OPTN: variants seen among roughly 807,000 people sequenced by gnomAD.
OPTN encodes the protein E3-14.7K-interacting protein.
In OPTN, 54 loss-of-function variants were observed where a neutral mutation model predicts 70.4. The observed-to-expected ratio is 0.77, with a 90% CI of 0.62 to 0.96. OPTN has a LOEUF of 0.96. Ranked by LOEUF, OPTN falls within the 40% of genes least tolerant of loss-of-function variation. OPTN has a pLI of 0.00. For missense variants in OPTN, 624 were observed against 673.2 expected, an observed-to-expected ratio of 0.93 and a Z score of 0.81; for synonymous variants, 256 against 248.5, an observed-to-expected ratio of 1.03 and a Z score of -0.28.
intron 7 of OPTN, among the ~76,000 whole-genome samples, chr10:13,119,981 CTTT>C (rs35284693): frequency 2.6e-5 from 3 of 117,644 alleles, no homozygotes; most frequent in Admixed American, 9.3e-5. Context: ...TATTTTCTTT[CTTT>C]TTTTTTTTTT....
chr10:13,127,595 G>C, intron 11 of OPTN, 150 bp from the exon 12 acceptor site: 1 of 806,044 alleles, frequency 1.2e-6, no homozygotes, highest in South Asian at 1.6e-5. Flanking sequence ...GGGCTCAAAC[G>C]ATCCTCCCAC....
At chr10:13,103,768 A>ACACAC (rs1001648401) in intron 1 of OPTN, among the ~76,000 whole-genome samples, 6 of 151,870 alleles carry the variant, frequency 4.0e-5, no homozygotes, top group African/African-American at 1.5e-4. Context: ...ACACACACAC[A>ACACAC]ATCAGGAATT....
intron 12 of OPTN, among the ~76,000 whole-genome samples, chr10:13,130,995 C>T (rs1414553424): frequency 1.3e-5 from 2 of 152,212 alleles, no homozygotes; most frequent in African/African-American, 4.8e-5. Context: ...TCGTGGTTCA[C>T]TGCAACCTCT....
chr10:13,130,989 G>C (rs1238897608), intron 12 of OPTN, among the ~76,000 whole-genome samples: 2 of 152,242 alleles, frequency 1.3e-5, no homozygotes, highest in East Asian at 3.9e-4. Flanking sequence ...GCATGATCGT[G>C]GTTCACTGCA....
chr10:13,120,534 G>A (rs144004388), intron 7 of OPTN, among the ~76,000 whole-genome samples: 52 of 145,208 alleles, frequency 3.6e-4, no homozygotes, highest in African/African-American at 1.2e-3. Flanking sequence ...GTTGGCCACC[G>A]CACTCCAGCC....
At position 13,132,060 on chromosome 10, in the gene OPTN, C is replaced by T. The variant is rs762343666; in HGVS notation, c.1402-7C>T. On this transcript the variant is annotated splice_region_variant and splice_polypyrimidine_tract_variant and intron_variant, in intron 12 of 14. Transcript: ENST00000378747. ...ACTAACTTCTGTATCTTTTTTTCCT[C>T]TAACAGATGGAAGTTTACTGTTCTG... 3.0e-5 allele frequency: 49 copies of T among 1,611,224 alleles called. 1 individual carries two copies. In the South Asian group the frequency reaches 5.0e-4, roughly 16 times the overall value.
At chr10:13,106,542 C>T (rs548256068) in intron 1 of OPTN, among the ~76,000 whole-genome samples, 1 of 152,314 alleles carries the variant, frequency 6.6e-6, no homozygotes, top group East Asian at 1.9e-4. Flanking sequence ...TACATGACTA[C>T]ATGAGAATGC....
chr10:13,124,096 G>A lies in OPTN; in HGVS notation c.984G>A (p.Lys328=). The A allele has an allele frequency of 6.2e-7, 1 of 1,603,928 alleles. No individual in the cohort carries two copies. The highest frequency in any genetic ancestry group is 8.5e-7 in the Non-Finnish European group (1 of 1,171,498). Residue 328 remains lysine (K), a synonymous_variant, in exon 9 of 15, where the codon AAG becomes AAA. Coordinates refer to ENST00000378747, the MANE Select transcript of OPTN (RefSeq NM_001008212.2). Reference sequence around the variant, plus strand: ...TCAGCGAAGCTGAGCTAATGAAGAAGAGACTTCAAGAAAAGTAAGAATGAG... The same window carrying A: ...TCAGCGAAGCTGAGCTAATGAAGAAAAGACTTCAAGAAAAGTAAGAATGAG... The part of the protein sequence containing the change: ...TKLSEAELMK[K]RLQEKCQALE...
In OPTN at chr10:13,109,138, C is replaced by G; in HGVS notation, c.16C>G (p.Leu6Val). MSHQP[L>V]SCLTEKEDSP... ...AACTTCTGCAATGTCCCATCAACCT[C>G]TCAGCTGCCTCACTGAAAAGGAGGA... Residue 6 changes from leucine to valine, a missense_variant, in exon 3 of 15, where the codon CTC becomes GTC. Physicochemically the swap from Leu to Val is conservative, Grantham distance 32. Transcript: ENST00000378747. The G allele has an allele frequency of 6.2e-7, 1 of 1,614,082 alleles. No homozygotes were observed. Among genetic ancestry groups the G allele is most frequent in the Non-Finnish European group, 8.5e-7 (1 of 1,180,024 alleles).
intron 2 of OPTN, 197 bp from the exon 3 acceptor site, chr10:13,108,915 C>T (rs934002003): frequency 4.8e-6 from 3 of 628,884 alleles, no homozygotes; most frequent in Non-Finnish European, 8.7e-6. Flanking sequence ...CGCGTGCACA[C>T]ACACACACAC....
At chr10:13,109,417 C>T (rs888065946) in intron 3 of OPTN, 129 bp downstream of exon 3, 3 of 899,170 alleles carry the variant, frequency 3.3e-6, no homozygotes, top group Non-Finnish European at 3.5e-6. Context: ...TGGGGAAGCA[C>T]AGGATTTAGC....
intron 8 of OPTN, chr10:13,123,253 G>A (rs1833389977): frequency 6.5e-6 from 1 of 152,884 alleles, no homozygotes. Context: ...GTGCCTTCGA[G>A]TCTGCAGAGA....
intron 5 of OPTN, 144 bp from the exon 6 acceptor site, chr10:13,116,123 G>A (rs768714778): frequency 4.9e-5 from 34 of 697,064 alleles, no homozygotes; most frequent in African/African-American, 1.9e-4. Context: ...GAGCCACCCC[G>A]TTTAAACAGT....
rs115370697 is a variant in OPTN at position 13,125,642 on chromosome 10, G to A, written c.1148+75G>A. The A allele has an allele frequency of 1.4e-3, 2,234 of 1,564,282 alleles. 31 individuals are homozygous for A. The African/African-American group carries it at 0.026, about 18-fold the overall frequency. Reference sequence around the variant, plus strand: ...CGCCTTTTTATACAGATTGGAATTCGGATTTGAGAATAAATTTTAAAAAAT... The same window carrying A: ...CGCCTTTTTATACAGATTGGAATTCAGATTTGAGAATAAATTTTAAAAAAT... On this transcript the variant is annotated intron_variant, in intron 10 of 14. Coordinates refer to ENST00000378747, the MANE Select transcript of OPTN (RefSeq NM_001008212.2).
intron 4 of OPTN, among the ~76,000 whole-genome samples, chr10:13,111,507 G>A (rs1832996194): frequency 6.7e-6 from 1 of 149,840 alleles, no homozygotes; most frequent in Admixed American, 6.7e-5. Context: ...AGACCAGCCT[G>A]GCCAACATGG....
intron 5 of OPTN, among the ~76,000 whole-genome samples, chr10:13,114,267 G>A (rs1457292007): frequency 6.6e-6 from 1 of 152,086 alleles, no homozygotes; most frequent in Non-Finnish European, 1.5e-5. Flanking sequence ...GAATAACCCT[G>A]CCATCCATTC....
rs567649467 is a variant in OPTN at position 13,110,488 on chromosome 10, G to T, written c.369+12G>T. 2.5e-6 allele frequency: 4 copies of T among 1,590,750 alleles called. 1 individual carries two copies. In the South Asian group the frequency reaches 4.5e-5, roughly 18 times the overall value. On this transcript the variant is annotated intron_variant, in intron 4 of 14. Transcript: ENST00000378747. Reference sequence around the variant, plus strand: ...AAAGGTCATCTGAGGTGAGCAGACCGATCCATTGTGATGTTGTTTTTTTTT... The same window carrying T: ...AAAGGTCATCTGAGGTGAGCAGACCTATCCATTGTGATGTTGTTTTTTTTT...
Position 13,124,097 on chromosome 10 carries a change from AGACTT to A in OPTN, c.986_990del (p.Arg329ThrfsTer8), listed in dbSNP as rs778911925. 1 of 1,603,882 alleles carries A rather than the reference AGACTT, an allele frequency of 6.2e-7. No individual in the cohort carries two copies. Among genetic ancestry groups the A allele is most frequent in the Non-Finnish European group, 8.5e-7 (1 of 1,171,378 alleles). ...CAGCGAAGCTGAGCTAATGAAGAAG[AGACTT>A]CAAGAAAAGTAAGAATGAGAGAGCA... On this transcript the variant is annotated frameshift_variant, in exon 9 of 15. Coordinates refer to ENST00000378747, the MANE Select transcript of OPTN (RefSeq NM_001008212.2). LOFTEE classifies it high-confidence loss of function.
At chr10:13,102,947 TAAAA>T (rs71386153) in intron 1 of OPTN, among the ~76,000 whole-genome samples, 1 of 146,898 alleles carries the variant, frequency 6.8e-6, no homozygotes, top group African/African-American at 2.5e-5. Context: ...AGTCTTAATT[TAAAA>T]AAAAAAAGAA....
Sources: allele counts gnomAD v4.1 joint callset (sites outside exome capture counted in the v4.1 genomes callset), GRCh38; gene constraint gnomAD v4.1.1; transcripts MANE v1.5; gene names NCBI Gene and HGNC (gene_info 2026-07-23, HGNC 2026-07-21).